Variants in PGPEP1L observed in about 807,000 individuals in gnomAD.
PGPEP1L encodes pyroglutamyl-peptidase 1-like protein.
In PGPEP1L, 7 loss-of-function variants were observed where a neutral mutation model predicts 6.0. The ratio of observed to expected loss-of-function variants is 1.17; its 90% CI spans 0.66 to 2.19. The LOEUF is 2.19. PGPEP1L is among the 30% of genes most tolerant of loss of function. The pLI is 0.00. For synonymous variants in PGPEP1L, 103 were observed against 83.9 expected (o/e 1.23, Z -1.24); for missense variants, 209 against 192.5 (o/e 1.09, Z -0.51).
chr15:98,999,746 G>C (rs2017933988), intron 2 of PGPEP1L, among the ~76,000 whole-genome samples: 1 of 152,246 alleles, frequency 6.6e-6, no homozygotes, highest in Non-Finnish European at 1.5e-5. Context: ...AGCAGTGGAA[G>C]AGAGAAGTAG....
chr15:98,977,848 CTGT>C (rs1218345208), intron 2 of PGPEP1L, among the ~76,000 whole-genome samples: 2 of 152,226 alleles, frequency 1.3e-5, no homozygotes, highest in East Asian at 3.8e-4. Context: ...TTTACAAGCA[CTGT>C]TATTAGGAGC....
At chr15:98,976,512 G>T (rs566802749) in intron 2 of PGPEP1L, among the ~76,000 whole-genome samples, 1 of 152,200 alleles carries the variant, frequency 6.6e-6, no homozygotes, top group Non-Finnish European at 1.5e-5. Context: ...CAGTATTTAA[G>T]CTGCTGGTTT....
At chr15:99,004,907 G>T (rs1212128069) in intron 2 of PGPEP1L, among the ~76,000 whole-genome samples, 1 of 151,522 alleles carries the variant, frequency 6.6e-6, no homozygotes, top group African/African-American at 2.4e-5. Context: ...TGGCTCTCGG[G>T]GGGTGCTTCA....
intron 2 of PGPEP1L, among the ~76,000 whole-genome samples, chr15:98,977,307 T>A (rs2017584543): frequency 6.6e-6 from 1 of 152,256 alleles, no homozygotes; most frequent in African/African-American, 2.4e-5. Flanking sequence ...TTTCTTAAGA[T>A]AGAAATCAAA....
chr15:99,006,662 A>G (rs1297145705), intron 1 of PGPEP1L, among the ~76,000 whole-genome samples: 6 of 152,168 alleles, frequency 3.9e-5, no homozygotes, highest in African/African-American at 1.4e-4. Flanking sequence ...GACTGCATCA[A>G]TTATTTTTTT....
intron 2 of PGPEP1L, among the ~76,000 whole-genome samples, chr15:99,000,406 G>A (rs2017948293): frequency 6.6e-6 from 1 of 152,240 alleles, no homozygotes; most frequent in Admixed American, 6.5e-5. Context: ...GCACAGGACT[G>A]GCAGGCAGCT....
intron 2 of PGPEP1L, among the ~76,000 whole-genome samples, chr15:98,995,853 G>A (rs2017880371): frequency 1.3e-5 from 2 of 152,134 alleles, no homozygotes; most frequent in African/African-American, 4.8e-5. Context: ...CCTACCCTAG[G>A]AAACCATTAA....
intron 2 of PGPEP1L, among the ~76,000 whole-genome samples, chr15:98,975,608 T>C (rs1394445474): frequency 6.6e-6 from 1 of 152,160 alleles, no homozygotes; most frequent in East Asian, 1.9e-4. Context: ...GGCCTGGGCA[T>C]GGTCGCTCAC....
At chr15:98,988,151 C>G (rs183992655) in intron 2 of PGPEP1L, among the ~76,000 whole-genome samples, 1 of 152,232 alleles carries the variant, frequency 6.6e-6, no homozygotes, top group East Asian at 1.9e-4. Context: ...ATCTTTCACT[C>G]CCCTGGAAAG....
intron 2 of PGPEP1L, among the ~76,000 whole-genome samples, chr15:98,973,810 A>G (rs951100868): frequency 2.6e-5 from 4 of 152,182 alleles, no homozygotes; most frequent in South Asian, 2.1e-4. Flanking sequence ...GCACTAACCA[A>G]CCAAACCACA....
At chr15:98,987,041 C>A (rs534694461) in intron 2 of PGPEP1L, among the ~76,000 whole-genome samples, 10 of 151,668 alleles carry the variant, frequency 6.6e-5, no homozygotes, top group Admixed American at 2.6e-4. Context: ...GTGGCATGCA[C>A]CTATAGTCCC....
chr15:99,006,869 G>A (rs569089816), intron 1 of PGPEP1L, among the ~76,000 whole-genome samples: 2 of 152,100 alleles, frequency 1.3e-5, no homozygotes, highest in Admixed American at 6.6e-5. Context: ...AGAGGAAGAA[G>A]ACCCATGATT....
intron 2 of PGPEP1L, among the ~76,000 whole-genome samples, chr15:98,981,616 G>C (rs980246042): frequency 6.6e-6 from 1 of 152,144 alleles, no homozygotes; most frequent in African/African-American, 2.4e-5. Flanking sequence ...TTCTGGCTGA[G>C]ATTCTGGGAC....
At chr15:98,999,934 C>T (rs1412508676) in intron 2 of PGPEP1L, among the ~76,000 whole-genome samples, 1 of 152,270 alleles carries the variant, frequency 6.6e-6, no homozygotes, top group African/African-American at 2.4e-5. Context: ...TGTGCCTGGG[C>T]TCCCACTTTG....
chr15:98,969,466 A>T lies in PGPEP1L; in HGVS notation c.168T>A (p.Ala56=). Residue 56 remains alanine (A), a synonymous_variant, in exon 4 of 5, where the codon GCT becomes GCA. Transcript: ENST00000535714. ...VCMKAVCKRV[A]VEGVDVIFSR... is the part of the protein sequence containing the mutation. ...AAAAGATCACGTCGACACCCTCCAC[A>T]GCTACGCGCTTGCAGACTGCCTTCA... 1 of 1,613,984 alleles carries T rather than the reference A, an allele frequency of 6.2e-7. No homozygotes were observed. Among genetic ancestry groups the T allele is most frequent in the Non-Finnish European group, 8.5e-7 (1 of 1,179,886 alleles).
chr15:99,005,076 T>C (rs1178039182), intron 2 of PGPEP1L, among the ~76,000 whole-genome samples: 1 of 152,090 alleles, frequency 6.6e-6, no homozygotes, highest in Non-Finnish European at 1.5e-5. Flanking sequence ...CCCCAAGGGA[T>C]ACCTCACGTG....
At chr15:99,003,491 G>A (rs1316290069) in intron 2 of PGPEP1L, among the ~76,000 whole-genome samples, 1 of 151,912 alleles carries the variant, frequency 6.6e-6, no homozygotes, top group Non-Finnish European at 1.5e-5. Flanking sequence ...TGGGAGGGAT[G>A]CACGTTTTCT....
intron 1 of PGPEP1L, among the ~76,000 whole-genome samples, 166 bp downstream of exon 1, chr15:99,007,193 T>C (rs1427640740): frequency 1.3e-5 from 2 of 152,220 alleles, no homozygotes; most frequent in African/African-American, 2.4e-5. Context: ...TCCCACTCCC[T>C]GTCCTGAGAA....
chr15:99,004,610 C>T (rs1297970710), intron 2 of PGPEP1L, among the ~76,000 whole-genome samples: 2 of 152,142 alleles, frequency 1.3e-5, no homozygotes, highest in Admixed American at 6.5e-5. Context: ...CCCAGCTACT[C>T]GGGAGGCTGA....
Sources: allele counts gnomAD v4.1 joint callset (sites outside exome capture counted in the v4.1 genomes callset), GRCh38; gene constraint gnomAD v4.1.1; transcripts MANE v1.5; gene names NCBI Gene and HGNC (gene_info 2026-07-23, HGNC 2026-07-21).